Variants in ZNF717 observed in about 807,000 individuals in gnomAD.
ZNF717 encodes the protein krueppel-like factor X17.
ZNF717 carries 9 observed loss-of-function variants against 13.8 expected under a neutral mutation model. The observed-to-expected ratio is 0.65, with a 90% CI of 0.39 to 1.14. The LOEUF is 1.14. Ranked by LOEUF, ZNF717 falls within the 50% of genes most tolerant of loss-of-function variation. ZNF717 has a pLI of 0.01. For missense variants in ZNF717, 1,040 were observed against 1,080.7 expected, an observed-to-expected ratio of 0.96 and a Z score of 0.53; for synonymous variants, 327 against 364.1, an observed-to-expected ratio of 0.90 and a Z score of 1.16.
intron 2 of ZNF717, among the ~76,000 whole-genome samples, chr3:75,744,387 T>C (rs1940882049): frequency 6.6e-6 from 1 of 152,320 alleles, no homozygotes; most frequent in African/African-American, 2.4e-5. Context: ...TAACAACAAA[T>C]AAAAAGCTGA....
At chr3:75,782,210 AAGTT>A (rs2107756144) in intron 2 of ZNF717, among the ~76,000 whole-genome samples, 1 of 152,342 alleles carries the variant, frequency 6.6e-6, no homozygotes, top group South Asian at 2.1e-4. Context: ...TAGAAGAAAT[AAGTT>A]AGGACTACAC....
At chr3:75,745,557 T>TACAC (rs1941067407) in intron 2 of ZNF717, among the ~76,000 whole-genome samples, 14 of 85,564 alleles carry the variant, frequency 1.6e-4, no homozygotes, top group Admixed American at 1.6e-3. Context: ...TTGCTCTACA[T>TACAC]CTCCTGAAAT....
At position 75,785,440 on chromosome 3, in the gene ZNF717, G is replaced by A. The variant is rs2107785376; in HGVS notation, c.-59C>T. The A allele has an allele frequency of 1.3e-5, 2 of 152,980 alleles. No homozygotes were observed. The highest frequency in any genetic ancestry group is 4.1e-4 in the South Asian group (2 of 4,854). 9.5% of individuals were successfully genotyped at this position (152,980 alleles called of 1,614,324 possible). A position where few individuals can be genotyped will look rare whatever the true frequency, so the allele number is the denominator to read the frequency against. Reference sequence around the variant, plus strand: ...GCCCACGCGTCTGCTCCCACAACTGGGGAACACTGGTCCGGCCCCCCGGGA... The same window carrying A: ...GCCCACGCGTCTGCTCCCACAACTGAGGAACACTGGTCCGGCCCCCCGGGA... On this transcript the variant is annotated 5_prime_UTR_variant, in exon 1 of 5. Coordinates refer to ENST00000652011, the MANE Select transcript of ZNF717 (RefSeq NM_001290208.3).
chr3:75,744,049 T>A (rs1398601171), intron 2 of ZNF717, among the ~76,000 whole-genome samples: 1 of 152,170 alleles, frequency 6.6e-6, no homozygotes, highest in African/African-American at 2.4e-5. Context: ...AATGAAAGAA[T>A]AAAAGAAACA....
downstream of ZNF717, among the ~76,000 whole-genome samples, chr3:75,734,811 ATATATATTTTTT>A (rs1157474024): frequency 1.6e-4 from 3 of 19,272 alleles, no homozygotes; most frequent in East Asian, 2.1e-3. Context: ...ATATATATAT[ATATATATTTTTT>A]TTTTTTTTTT....
intron 2 of ZNF717, among the ~76,000 whole-genome samples, chr3:75,757,083 T>C (rs559371218): frequency 3.6e-4 from 55 of 152,250 alleles, no homozygotes; most frequent in Middle Eastern, 3.2e-3. Context: ...GTCATCTCCA[T>C]AACATAAAAG....
intron 2 of ZNF717, among the ~76,000 whole-genome samples, chr3:75,745,294 A>G (rs1941034579): frequency 1.3e-5 from 2 of 151,922 alleles, no homozygotes; most frequent in African/African-American, 4.8e-5. Flanking sequence ...CTGGCATCCT[A>G]TGTAAGGGAA....
intron 2 of ZNF717, among the ~76,000 whole-genome samples, chr3:75,748,301 T>C (rs1162426709): frequency 2.0e-5 from 3 of 152,030 alleles, no homozygotes; most frequent in Admixed American, 1.3e-4. Flanking sequence ...ACTATTCCAA[T>C]CAATAGAAAA....
At chr3:75,780,141 T>A (rs551297264) in intron 2 of ZNF717, among the ~76,000 whole-genome samples, 2 of 129,938 alleles carry the variant, frequency 1.5e-5, no homozygotes, top group South Asian at 2.5e-4. Flanking sequence ...GTGCTAAAAC[T>A]GGAACCCAAA....
At chr3:75,769,156 C>A (rs1157385634) in intron 2 of ZNF717, among the ~76,000 whole-genome samples, 3 of 152,152 alleles carry the variant, frequency 2.0e-5, no homozygotes, top group African/African-American at 7.2e-5. Flanking sequence ...ATGAGTATGA[C>A]TGGACAGTGT....
chr3:75,728,926 G>C (rs1470317371), downstream of ZNF717, among the ~76,000 whole-genome samples: 4 of 109,954 alleles, frequency 3.6e-5, no homozygotes, highest in Non-Finnish European at 6.6e-5. Flanking sequence ...GGTGGGCAGA[G>C]GGGTGAGAAC....
chr3:75,770,193 T>C (rs1407890688), intron 2 of ZNF717, among the ~76,000 whole-genome samples: 2 of 152,222 alleles, frequency 1.3e-5, no homozygotes, highest in African/African-American at 4.8e-5. Flanking sequence ...ACTGTAAATG[T>C]AACAAAGCTT....
At chr3:75,751,672 G>C (rs1051224922) in intron 2 of ZNF717, among the ~76,000 whole-genome samples, 1 of 146,464 alleles carries the variant, frequency 6.8e-6, no homozygotes, top group East Asian at 2.1e-4. Flanking sequence ...TAGGATTTCA[G>C]AACACTCCTG....
chr3:75,738,306 A>G lies in ZNF717; in HGVS notation c.1317T>C (p.Thr439=). Residue 439 remains threonine (T), a synonymous_variant, in exon 5 of 5, where the codon ACT becomes ACC. Coordinates refer to ENST00000652011, the MANE Select transcript of ZNF717 (RefSeq NM_001290208.3). Reference sequence around the variant, plus strand: ...CCCCTGTGTGTGTTCTCTGATGGACAGTAAGCCTTGACTTATGGCTAAATG... The same window carrying G: ...CCCCTGTGTGTGTTCTCTGATGGACGGTAAGCCTTGACTTATGGCTAAATG... The part of the protein sequence containing the change: ...EEAFSHKSRL[T]VHQRTHTGEK... The G allele has an allele frequency of 1.9e-6, 3 of 1,547,534 alleles. No individual in the cohort carries two copies. The highest frequency in any genetic ancestry group is 2.6e-6 in the Non-Finnish European group (3 of 1,143,032).
At chr3:75,778,664 T>A (rs1271200549) in intron 2 of ZNF717, among the ~76,000 whole-genome samples, 1 of 150,670 alleles carries the variant, frequency 6.6e-6, no homozygotes, top group Non-Finnish European at 1.5e-5. Flanking sequence ...GGGAGTGACG[T>A]GCTAAACCAA....
At chr3:75,740,655 G>T in intron 4 of ZNF717, among the ~76,000 whole-genome samples, 1 of 148,898 alleles carries the variant, frequency 6.7e-6, no homozygotes. Flanking sequence ...AATAGAACAA[G>T]ACCTCATCTC....
At chr3:75,726,553 A>G (rs1203132547), downstream of ZNF717, among the ~76,000 whole-genome samples, 1 of 152,272 alleles carries the variant, frequency 6.6e-6, no homozygotes, top group African/African-American at 2.4e-5. Context: ...TTCCATGTGA[A>G]CCACACCATC....
At chr3:75,706,699 A>G (rs1937809556), downstream of ZNF717, among the ~76,000 whole-genome samples, 1 of 152,306 alleles carries the variant, frequency 6.6e-6, no homozygotes, top group Non-Finnish European at 1.5e-5. Flanking sequence ...AGGGTCTGAT[A>G]CTTCCTACCT....
chr3:75,727,762 G>C (rs1938317376), downstream of ZNF717, among the ~76,000 whole-genome samples: 1 of 152,168 alleles, frequency 6.6e-6, no homozygotes, highest in Admixed American at 6.5e-5. Context: ...TTCACCTTGT[G>C]ATCTTTATGG....
Sources: gnomAD v4.1 joint callset for allele counts (sites outside exome capture counted in the v4.1 genomes callset) on GRCh38, gnomAD v4.1.1 for gene constraint, MANE v1.5 for transcripts, NCBI Gene and HGNC (gene_info 2026-07-23, HGNC 2026-07-21) for gene names.